The following MACROD2 variants were observed in gnomAD, a reference collection of about 807,000 sequenced individuals.
MACROD2 encodes mono-ADP ribosylhydrolase 2.
Under a neutral mutation model 70.4 loss-of-function variants are expected in MACROD2, and 36 were observed. That is an observed-to-expected ratio of 0.51 (90% confidence interval 0.39 to 0.68). The LOEUF is 0.68. Ranked by LOEUF, MACROD2 falls within the 30% of genes least tolerant of loss-of-function variation. The pLI, the probability that MACROD2 is intolerant of heterozygous loss-of-function variation, is 0.00. For synonymous variants in MACROD2, 172 were observed against 178.8 expected (o/e 0.96, Z 0.30); for missense variants, 496 against 538.4 (o/e 0.92, Z 0.78).
intron 10 of MACROD2, among the ~76,000 whole-genome samples, chr20:15,924,163 T>A (rs1305361222): frequency 6.6e-6 from 1 of 152,254 alleles, no homozygotes; most frequent in Middle Eastern, 3.2e-3. Context: ...TGAAATAGCA[T>A]GTCTCAACAC....
chr20:15,242,113 T>A (rs762435081), intron 6 of MACROD2, among the ~76,000 whole-genome samples: 1 of 152,172 alleles, frequency 6.6e-6, no homozygotes, highest in Non-Finnish European at 1.5e-5. Flanking sequence ...AACCTCTTGG[T>A]ATAATGGATC....
rs542885588 is a variant in MACROD2, at chr20:14,463,449, G to A, written c.272-30030G>A. ...GGAGATTTTGGGCTGAGATGATGGG[G>A]TTTTCTAAATATACAATCATGTCAT... On this transcript the variant is annotated intron_variant, in intron 3 of 17. Transcript: ENST00000684519. Among the ~76,000 whole-genome samples, 830 of 152,096 alleles carry A rather than the reference G, an allele frequency of 5.5e-3. 13 individuals carry two copies. Among genetic ancestry groups the A allele is most frequent in the African/African-American group, 0.019 (794 of 41,420 alleles).
chr20:15,648,746 G>T (rs1214451791), intron 8 of MACROD2, among the ~76,000 whole-genome samples: 1 of 152,122 alleles, frequency 6.6e-6, no homozygotes, highest in Non-Finnish European at 1.5e-5. Context: ...TGGATGGATG[G>T]ATGGGTGAAA....
At chr20:15,403,611 A>G (rs1194669559) in intron 6 of MACROD2, among the ~76,000 whole-genome samples, 1 of 152,196 alleles carries the variant, frequency 6.6e-6, no homozygotes, top group East Asian at 1.9e-4. Context: ...CTTTGCAGCT[A>G]GGTGTCATTG....
intron 5 of MACROD2, among the ~76,000 whole-genome samples, chr20:15,130,241 C>T (rs2076095479): frequency 6.6e-6 from 1 of 151,930 alleles, no homozygotes; most frequent in African/African-American, 2.4e-5. Context: ...TCAGCACTGA[C>T]CATTCACCAT....
chr20:14,071,355 G>A (rs899272080), intron 2 of MACROD2, among the ~76,000 whole-genome samples: 1 of 139,306 alleles, frequency 7.2e-6, no homozygotes, highest in East Asian at 2.4e-4. Flanking sequence ...CCGCCTCCCG[G>A]GTGCATGCCG....
At chr20:14,394,398 A>G (rs975486232) in intron 3 of MACROD2, among the ~76,000 whole-genome samples, 6 of 152,312 alleles carry the variant, frequency 3.9e-5, no homozygotes, top group South Asian at 2.1e-4. Context: ...TTTTTATTCA[A>G]TGTTAAACTG....
intron 6 of MACROD2, among the ~76,000 whole-genome samples, chr20:15,341,439 T>C (rs1046615703): frequency 3.3e-5 from 5 of 152,188 alleles, no homozygotes; most frequent in African/African-American, 1.2e-4. Context: ...ATAACATGTA[T>C]TTAGGAGCAA....
At chr20:15,708,967 A>C (rs2050581559) in intron 8 of MACROD2, among the ~76,000 whole-genome samples, 1 of 152,188 alleles carries the variant, frequency 6.6e-6, no homozygotes, top group Admixed American at 6.5e-5. Context: ...TTGAAGCTGC[A>C]GTGAGCTATG....
chr20:14,566,254 A>C (rs1311381633), intron 4 of MACROD2, among the ~76,000 whole-genome samples: 1 of 152,004 alleles, frequency 6.6e-6, no homozygotes, highest in Non-Finnish European at 1.5e-5. Context: ...AATGGTCAAT[A>C]AACGTGAAAA....
At chr20:15,873,965 G>A (rs1415867045) in intron 9 of MACROD2, among the ~76,000 whole-genome samples, 2 of 151,912 alleles carry the variant, frequency 1.3e-5, no homozygotes, top group African/African-American at 4.8e-5. Flanking sequence ...TGCACAATGT[G>A]CAGGTTTGTT....
At chr20:14,970,518 AT>A (rs2074680900) in intron 5 of MACROD2, among the ~76,000 whole-genome samples, 1 of 152,120 alleles carries the variant, frequency 6.6e-6, no homozygotes, top group Non-Finnish European at 1.5e-5. Context: ...TGTTGAAGGG[AT>A]GTATTTCTTC....
At chr20:15,951,892 A>G (rs953208822) in intron 12 of MACROD2, among the ~76,000 whole-genome samples, 5 of 152,148 alleles carry the variant, frequency 3.3e-5, no homozygotes, top group Admixed American at 3.3e-4. Context: ...CTAAATATTC[A>G]CTGAATTCTA....
intron 9 of MACROD2, 149 bp downstream of exon 9, chr20:15,862,975 A>T (rs2064445216): frequency 1.6e-6 from 1 of 607,636 alleles, no homozygotes; most frequent in East Asian, 2.9e-5. Flanking sequence ...TGAACAAGGT[A>T]ACAGAAAATC....
intron 3 of MACROD2, among the ~76,000 whole-genome samples, chr20:14,346,759 C>A (rs565082875): frequency 3.3e-5 from 5 of 152,260 alleles, no homozygotes; most frequent in African/African-American, 1.2e-4. Context: ...GAAGGTAGAA[C>A]AGGTACTCTA....
intron 13 of MACROD2, among the ~76,000 whole-genome samples, chr20:15,978,616 C>CTT (rs11474584): frequency 6.8e-6 from 1 of 146,792 alleles, no homozygotes; most frequent in Admixed American, 6.9e-5. Flanking sequence ...CTCTCTCTCT[C>CTT]GTTCTTTCTC....
intron 4 of MACROD2, among the ~76,000 whole-genome samples, chr20:14,605,636 A>G (rs955727067): frequency 4.6e-5 from 7 of 152,080 alleles, no homozygotes; most frequent in African/African-American, 1.4e-4. Flanking sequence ...TGTAATCTAA[A>G]ATTTTTTCAA....
In MACROD2 at chr20:14,293,889, A is replaced by C. The variant is rs532735144; in HGVS notation, c.272-199590A>C. Among the ~76,000 whole-genome samples the C allele has an allele frequency of 7.9e-5, 12 of 152,038 alleles. No individual in the cohort carries two copies. The South Asian group carries it at 2.5e-3, about 32-fold the overall frequency. Reference sequence around the variant, plus strand: ...ATATCTGCCATTGGAAGAGTATGAAAATATAGACATAAATTTAACATTACA... The same window carrying C: ...ATATCTGCCATTGGAAGAGTATGAACATATAGACATAAATTTAACATTACA... On this transcript the variant is annotated intron_variant, in intron 3 of 17. Transcript: ENST00000684519.
intron 12 of MACROD2, among the ~76,000 whole-genome samples, chr20:15,940,007 G>T (rs770915374): frequency 6.6e-6 from 1 of 152,144 alleles, no homozygotes; most frequent in Non-Finnish European, 1.5e-5. Context: ...ATGAGAAGTT[G>T]CATCTTATTT....
Sources: gnomAD v4.1 joint callset for allele counts (sites outside exome capture counted in the v4.1 genomes callset) on GRCh38, gnomAD v4.1.1 for gene constraint, MANE v1.5 for transcripts, NCBI Gene and HGNC (gene_info 2026-07-23, HGNC 2026-07-21) for gene names.